TMED3: variants seen among roughly 807,000 people sequenced by gnomAD.
The protein encoded by TMED3 is transmembrane emp24 domain-containing protein 3.
A neutral mutation model predicts 15.0 loss-of-function variants in TMED3; 9 were observed. That is an observed-to-expected ratio of 0.60 (90% CI 0.36 to 1.04). The LOEUF (loss-of-function observed/expected upper bound fraction) is 1.04. Ranked by LOEUF, TMED3 falls within the 50% of genes least tolerant of loss-of-function variation. The pLI is 0.01. For missense variants in TMED3, 267 were observed against 278.9 expected (o/e 0.96, Z 0.30); for synonymous variants, 117 against 121.4 (o/e 0.96, Z 0.24).
intron 2 of TMED3, among the ~76,000 whole-genome samples, chr15:79,379,917 T>C (rs185099111): frequency 6.6e-6 from 1 of 152,356 alleles, no homozygotes; most frequent in Admixed American, 6.5e-5. Context: ...TGTTATGTGA[T>C]AGGTTTTAAC....
At chr15:79,363,924 C>T (rs1173589866) in intron 2 of TMED3, among the ~76,000 whole-genome samples, 1 of 152,102 alleles carries the variant, frequency 6.6e-6, no homozygotes, top group East Asian at 1.9e-4. Context: ...CGATGTCTTA[C>T]AGGTAAGGGT....
At chr15:79,407,653 C>A (rs182157647) in intron 2 of TMED3, among the ~76,000 whole-genome samples, 25 of 152,308 alleles carry the variant, frequency 1.6e-4, no homozygotes, top group African/African-American at 5.8e-4. Flanking sequence ...TTTATTGGAA[C>A]ACTTCCATGC....
At chr15:79,353,154 T>A (rs186515140) in intron 2 of TMED3, among the ~76,000 whole-genome samples, 14 of 70,124 alleles carry the variant, frequency 2.0e-4, no homozygotes, top group South Asian at 1.6e-3. Context: ...ATATATAAAA[T>A]ATATATAAAT....
At chr15:79,382,207 G>A (rs1367917622) in intron 2 of TMED3, among the ~76,000 whole-genome samples, 1 of 152,152 alleles carries the variant, frequency 6.6e-6, no homozygotes, top group Non-Finnish European at 1.5e-5. Context: ...AGACATCAAG[G>A]CCACAATGCA....
chr15:79,341,970 G>T (rs1376628886), intron 2 of TMED3, among the ~76,000 whole-genome samples: 1 of 152,158 alleles, frequency 6.6e-6, no homozygotes, highest in Non-Finnish European at 1.5e-5. Context: ...GTGCTAGGCT[G>T]AGAAACCTTG....
intron 2 of TMED3, among the ~76,000 whole-genome samples, chr15:79,318,436 C>T (rs1159962916): frequency 6.6e-6 from 1 of 152,140 alleles, no homozygotes; most frequent in African/African-American, 2.4e-5. Flanking sequence ...TCAAACTCAG[C>T]CATGATTTGA....
intron 2 of TMED3, among the ~76,000 whole-genome samples, chr15:79,405,523 A>G (rs997645060): frequency 6.6e-6 from 1 of 152,206 alleles, no homozygotes; most frequent in Non-Finnish European, 1.5e-5. Flanking sequence ...CAAAATCCCA[A>G]GAACCCTACC....
At chr15:79,397,916 C>A (rs1893782783) in intron 2 of TMED3, among the ~76,000 whole-genome samples, 1 of 152,202 alleles carries the variant, frequency 6.6e-6, no homozygotes, top group Non-Finnish European at 1.5e-5. Context: ...CCATACCCAA[C>A]CTCTCTGACT....
intron 2 of TMED3, among the ~76,000 whole-genome samples, chr15:79,382,332 G>A (rs1489616530): frequency 6.6e-6 from 1 of 152,210 alleles, no homozygotes; most frequent in Non-Finnish European, 1.5e-5. Context: ...TTTCTAGGGA[G>A]GCTATAAGCT....
intron 2 of TMED3, chr15:79,383,099 A>C: frequency 7.1e-7 from 1 of 1,409,446 alleles, no homozygotes. Context: ...TTGCCTGTAG[A>C]TCGCCAGGTA....
At chr15:79,354,656 G>C (rs1022392577) in intron 2 of TMED3, among the ~76,000 whole-genome samples, 2 of 151,646 alleles carry the variant, frequency 1.3e-5, no homozygotes, top group Non-Finnish European at 2.9e-5. Context: ...TCAAGGAAAG[G>C]TTCACTAAGG....
At chr15:79,385,625 G>A (rs1184715318) in intron 2 of TMED3, among the ~76,000 whole-genome samples, 3 of 152,182 alleles carry the variant, frequency 2.0e-5, no homozygotes, top group African/African-American at 7.2e-5. Flanking sequence ...TTGGGTGCCT[G>A]CAGCTGCACC....
chr15:79,380,849 T>G (rs982885695), intron 2 of TMED3, among the ~76,000 whole-genome samples: 30 of 152,132 alleles, frequency 2.0e-4, no homozygotes, highest in African/African-American at 6.3e-4. Flanking sequence ...AAGCCTATGA[T>G]GCTTTGATTA....
At chr15:79,319,910 C>G (rs115587804) in intron 2 of TMED3, among the ~76,000 whole-genome samples, 1 of 152,196 alleles carries the variant, frequency 6.6e-6, no homozygotes, top group Non-Finnish European at 1.5e-5. Flanking sequence ...CAGGATGGAA[C>G]ATGAAAGAAG....
chr15:79,390,256 A>C (rs12906993), intron 2 of TMED3, among the ~76,000 whole-genome samples: 15,031 of 152,152 alleles, frequency 0.099, 864 homozygotes, highest in Admixed American at 0.14. Context: ...ACATTGAGCT[A>C]TGTCACTTGT....
chr15:79,376,565 A>G (rs1893430568), intron 2 of TMED3, among the ~76,000 whole-genome samples: 1 of 152,192 alleles, frequency 6.6e-6, no homozygotes, highest in Non-Finnish European at 1.5e-5. Context: ...TGTGTTACCC[A>G]GAGCAGAACA....
chr15:79,335,714 T>C (rs903524257), intron 2 of TMED3, among the ~76,000 whole-genome samples: 5 of 152,178 alleles, frequency 3.3e-5, no homozygotes, highest in Non-Finnish European at 5.9e-5. Flanking sequence ...CTATAAATGT[T>C]ATGAAGTCTA....
intron 2 of TMED3, among the ~76,000 whole-genome samples, chr15:79,328,355 C>A (rs1300606957): frequency 9.9e-6 from 1 of 101,282 alleles, no homozygotes; most frequent in Non-Finnish European, 2.3e-5. Context: ...AATTAAAAAC[C>A]CCATTTTCCT....
chr15:79,369,896 A>G (rs1893304488), intron 2 of TMED3, among the ~76,000 whole-genome samples: 1 of 152,192 alleles, frequency 6.6e-6, no homozygotes, highest in Non-Finnish European at 1.5e-5. Context: ...ACCTCCAGCA[A>G]GTGGCAATAG....
Sources: allele counts gnomAD v4.1 joint callset (sites outside exome capture counted in the v4.1 genomes callset), GRCh38; gene constraint gnomAD v4.1.1; transcripts MANE v1.5; gene names NCBI Gene and HGNC (gene_info 2026-07-23, HGNC 2026-07-21).